MEF2A: variants seen among roughly 807,000 people sequenced by gnomAD.
The protein encoded by MEF2A is myocyte enhancer factor 2A, also known as myocyte-specific enhancer factor 2A.
Under a neutral mutation model 55.8 loss-of-function variants are expected in MEF2A, and 28 were observed. The ratio of observed to expected loss-of-function variants is 0.50; its 90% CI spans 0.37 to 0.69. The LOEUF is 0.69. Ranked by LOEUF, MEF2A falls within the 30% of genes least tolerant of loss-of-function variation. The pLI is 0.00. For missense variants in MEF2A, 528 were observed against 626.2 expected, an observed-to-expected ratio of 0.84 and a Z score of 1.67; for synonymous variants, 239 against 227.1, an observed-to-expected ratio of 1.05 and a Z score of -0.47.
chr15:99,603,052 C>T (rs188831957), intron 2 of MEF2A, among the ~76,000 whole-genome samples: 4 of 152,160 alleles, frequency 2.6e-5, no homozygotes, highest in South Asian at 2.1e-4. Flanking sequence ...TTCCCTCTTT[C>T]GTTGCTGATA....
intron 4 of MEF2A, among the ~76,000 whole-genome samples, chr15:99,661,938 AT>A (rs1465707664): frequency 6.6e-6 from 1 of 152,016 alleles, no homozygotes; most frequent in Non-Finnish European, 1.5e-5. Flanking sequence ...GTAATACAGT[AT>A]TTAGTGAAAA....
intron 2 of MEF2A, among the ~76,000 whole-genome samples, chr15:99,611,080 A>T (rs1977096677): frequency 6.6e-6 from 1 of 152,164 alleles, no homozygotes; most frequent in African/African-American, 2.4e-5. Flanking sequence ...CATCCCTACT[A>T]AAAATACAGA....
chr15:99,657,848 A>G (rs1470231848), intron 4 of MEF2A, among the ~76,000 whole-genome samples: 1 of 152,158 alleles, frequency 6.6e-6, no homozygotes, highest in Non-Finnish European at 1.5e-5. Flanking sequence ...GAAAAATAGA[A>G]CATATCTGAC....
intron 2 of MEF2A, among the ~76,000 whole-genome samples, chr15:99,627,471 T>A (rs1158378314): frequency 6.7e-6 from 1 of 149,164 alleles, no homozygotes; most frequent in Non-Finnish European, 1.5e-5. Context: ...AATTGTAGAC[T>A]TGACTTAGTT....
chr15:99,618,424 G>T (rs1187145215), intron 2 of MEF2A, among the ~76,000 whole-genome samples: 2 of 152,114 alleles, frequency 1.3e-5, no homozygotes, highest in Admixed American at 6.5e-5. Flanking sequence ...ACTGAAGAGG[G>T]TAAAAAATGC....
At chr15:99,680,253 A>G (rs994813371) in intron 7 of MEF2A, among the ~76,000 whole-genome samples, 1 of 152,226 alleles carries the variant, frequency 6.6e-6, no homozygotes, top group Non-Finnish European at 1.5e-5. Context: ...ATTGTACCAA[A>G]ATACACAATT....
At chr15:99,582,351 TC>T (rs1295306721) in intron 1 of MEF2A, among the ~76,000 whole-genome samples, 1 of 152,120 alleles carries the variant, frequency 6.6e-6, no homozygotes, top group East Asian at 1.9e-4. Flanking sequence ...TCGTCATTCT[TC>T]CTTGTATCCC....
intron 10 of MEF2A, among the ~76,000 whole-genome samples, chr15:99,709,238 G>A (rs904602406): frequency 6.6e-6 from 1 of 152,208 alleles, no homozygotes; most frequent in African/African-American, 2.4e-5. Context: ...GATGTTGGGA[G>A]TGAGAGGGAA....
At chr15:99,606,139 G>A (rs755224378) in intron 2 of MEF2A, among the ~76,000 whole-genome samples, 3 of 152,106 alleles carry the variant, frequency 2.0e-5, no homozygotes, top group Admixed American at 6.5e-5. Flanking sequence ...ATGACAAAAC[G>A]CACACTTTAG....
chr15:99,706,272 A>G (rs910306098), intron 9 of MEF2A, among the ~76,000 whole-genome samples: 1 of 152,266 alleles, frequency 6.6e-6, no homozygotes, highest in Non-Finnish European at 1.5e-5. Flanking sequence ...CATGACTTCA[A>G]ACCGTGTTAA....
intron 2 of MEF2A, among the ~76,000 whole-genome samples, chr15:99,611,850 G>A (rs1368178883): frequency 2.0e-5 from 3 of 152,172 alleles, no homozygotes; most frequent in Non-Finnish European, 2.9e-5. Flanking sequence ...AAAGGATGAA[G>A]TACTGATTAA....
At chr15:99,677,738 A>C (rs1176505014) in intron 7 of MEF2A, among the ~76,000 whole-genome samples, 1 of 152,228 alleles carries the variant, frequency 6.6e-6, no homozygotes, top group Non-Finnish European at 1.5e-5. Flanking sequence ...TCAACGTGGA[A>C]TACAGATAAT....
In MEF2A at chr15:99,676,719, G is replaced by T. The variant is rs187176832; in HGVS notation, c.670+1261G>T. Among the ~76,000 whole-genome samples, 14 of 152,020 alleles carry T rather than the reference G, an allele frequency of 9.2e-5. No individual in the cohort carries two copies. In the East Asian group the frequency reaches 2.7e-3, roughly 30 times the overall value. Reference sequence around the variant, plus strand: ...CGAGTAGCTGGGACTACAGGTGCCCGCCACCACGCCGGGCTAATTTTTTTG... The same window carrying T: ...CGAGTAGCTGGGACTACAGGTGCCCTCCACCACGCCGGGCTAATTTTTTTG... On this transcript the variant is annotated intron_variant, in intron 7 of 11. Transcript: ENST00000557942.
At chr15:99,612,470 A>G (rs2039448992) in intron 2 of MEF2A, among the ~76,000 whole-genome samples, 1 of 152,180 alleles carries the variant, frequency 6.6e-6, no homozygotes, top group African/African-American at 2.4e-5. Flanking sequence ...GTTTTGCGGT[A>G]TATGAATACC....
Position 99,631,626 on chromosome 15 carries a change from C to T in MEF2A, c.-142-1352C>T, listed in dbSNP as rs183397235. Among the ~76,000 whole-genome samples the T allele has an allele frequency of 4.9e-3, 736 of 151,666 alleles. 28 individuals carry two copies. The highest frequency in any genetic ancestry group is 1.2e-3 in the Non-Finnish European group (81 of 67,954). ...TTTTTCTTCTACTAGACTCTGAACT[C>T]TGCTAGATTAGGAATCATATCCTTT... On this transcript the variant is annotated intron_variant, in intron 2 of 11. Transcript: ENST00000557942.
At chr15:99,646,575 G>A (rs542292329) in intron 4 of MEF2A, among the ~76,000 whole-genome samples, 93 of 152,108 alleles carry the variant, frequency 6.1e-4, no homozygotes, top group African/African-American at 2.1e-3. Context: ...AAAAGTATTA[G>A]GCATTTCTTT....
chr15:99,707,286 A>T (rs1215871506), intron 10 of MEF2A, among the ~76,000 whole-genome samples: 2 of 152,056 alleles, frequency 1.3e-5, no homozygotes, highest in Non-Finnish European at 2.9e-5. Flanking sequence ...ATCCCTTTGG[A>T]CCTGAGACTT....
rs559528446 is a variant in MEF2A at position 99,703,341 on chromosome 15, C to T, written c.859-21C>T. 2.2e-5 allele frequency: 36 copies of T among 1,611,622 alleles called. No individual in the cohort carries two copies. In the South Asian group the frequency reaches 3.5e-4, roughly 16 times the overall value. On this transcript the variant is annotated intron_variant, in intron 8 of 11. Transcript: ENST00000557942. ...CAACAGTCTTAGTAACTCTCTTATC[C>T]CTCTTATGTGCTGAGTACAGTCGGA...
At position 99,660,465 on chromosome 15, in the gene MEF2A, C is replaced by T. The variant is rs1321300416; in HGVS notation, c.259-10858C>T. ...CCAGGTGTGACCAGTAAGATACTTC[C>T]CACATAATCTTCGTACTCTTTCTTC... On this transcript the variant is annotated intron_variant, in intron 4 of 11. Coordinates refer to ENST00000557942, the MANE Select transcript of MEF2A (RefSeq NM_001319206.4). Among the ~76,000 whole-genome samples the T allele has an allele frequency of 2.6e-5, 4 of 152,058 alleles. No individual in the cohort carries two copies. In the East Asian group the frequency reaches 5.8e-4, roughly 22 times the overall value.
Sources: allele counts gnomAD v4.1 joint callset (sites outside exome capture counted in the v4.1 genomes callset), GRCh38; gene constraint gnomAD v4.1.1; transcripts MANE v1.5; gene names NCBI Gene and HGNC (gene_info 2026-07-23, HGNC 2026-07-21).